Variants in AGBL4 observed in about 807,000 individuals in gnomAD.
AGBL4 encodes the protein cytosolic carboxypeptidase 6.
Under a neutral mutation model 66.4 loss-of-function variants are expected in AGBL4, and 58 were observed. The observed-to-expected ratio is 0.87, with a 90% CI of 0.71 to 1.09. The LOEUF (loss-of-function observed/expected upper bound fraction) is 1.09. Ranked by LOEUF, AGBL4 falls within the 50% of genes least tolerant of loss-of-function variation. AGBL4 has a pLI of 0.00. For missense variants in AGBL4, 579 were observed against 631.0 expected, an observed-to-expected ratio of 0.92 and a Z score of 0.88; for synonymous variants, 234 against 222.9, an observed-to-expected ratio of 1.05 and a Z score of -0.44.
intron 5 of AGBL4, among the ~76,000 whole-genome samples, chr1:48,947,148 C>A (rs1656584774): frequency 6.6e-6 from 1 of 152,248 alleles, no homozygotes; most frequent in Non-Finnish European, 1.5e-5. Flanking sequence ...TTGAGTCCAG[C>A]TCAAAAGTCA....
chr1:49,837,898 C>G (rs1319107943), intron 2 of AGBL4, among the ~76,000 whole-genome samples: 1 of 152,116 alleles, frequency 6.6e-6, no homozygotes, highest in Non-Finnish European at 1.5e-5. Flanking sequence ...ATCATGCCAA[C>G]TACTATAGCC....
At chr1:49,226,323 T>A (rs1297460927) in intron 4 of AGBL4, among the ~76,000 whole-genome samples, 1 of 152,224 alleles carries the variant, frequency 6.6e-6, no homozygotes, top group African/African-American at 2.4e-5. Flanking sequence ...TGCACAAAGA[T>A]ATTAATATTT....
chr1:49,230,548 G>A (rs1650234174), intron 4 of AGBL4, among the ~76,000 whole-genome samples: 1 of 152,060 alleles, frequency 6.6e-6, no homozygotes, highest in Admixed American at 6.5e-5. Context: ...CTCACCCTCT[G>A]CCTAGCAAAA....
intron 5 of AGBL4, among the ~76,000 whole-genome samples, chr1:48,930,813 T>C (rs1355497005): frequency 2.0e-5 from 3 of 152,208 alleles, no homozygotes; most frequent in Non-Finnish European, 4.4e-5. Context: ...CACTCATTCA[T>C]TCATTCATTC....
rs978018049 is a variant in AGBL4 at position 48,687,232 on chromosome 1, AG to A, written c.635-23992del. On this transcript the variant is annotated intron_variant, in intron 6 of 13. Transcript: ENST00000371839. ...CAGAGAGCAAGGGAAAGAGAAGAGG[AG>A]GGGGCAAAGAGAAAGGGCTGGGAGG... Among the ~76,000 whole-genome samples the A allele has an allele frequency of 2.6e-5, 4 of 152,188 alleles. No individual in the cohort carries two copies. The South Asian group carries it at 8.3e-4, about 32-fold the overall frequency.
At chr1:48,548,191 G>A (rs1328051172) in intron 11 of AGBL4, among the ~76,000 whole-genome samples, 2 of 152,044 alleles carry the variant, frequency 1.3e-5, no homozygotes, top group Non-Finnish European at 2.9e-5. Context: ...AACGTGATAA[G>A]TGCTATGGAG....
At chr1:49,469,600 T>C (rs1181759128) in intron 3 of AGBL4, among the ~76,000 whole-genome samples, 1 of 151,962 alleles carries the variant, frequency 6.6e-6, no homozygotes, top group Non-Finnish European at 1.5e-5. Context: ...AAACTCTTTC[T>C]GACATCTCAT....
chr1:49,441,483 A>T (rs1177080704), intron 3 of AGBL4, among the ~76,000 whole-genome samples: 4 of 152,202 alleles, frequency 2.6e-5, no homozygotes, highest in Non-Finnish European at 5.9e-5. Context: ...TTTAGTGTAG[A>T]GGAAAAGATC....
chr1:50,023,393 C>G (rs1307705940), intron 1 of AGBL4, among the ~76,000 whole-genome samples: 1 of 152,150 alleles, frequency 6.6e-6, no homozygotes, highest in Non-Finnish European at 1.5e-5. Flanking sequence ...GGATCTCTCC[C>G]ATGCTCCCAC....
At chr1:50,020,571 A>T (rs1662369062) in intron 1 of AGBL4, among the ~76,000 whole-genome samples, 1 of 152,174 alleles carries the variant, frequency 6.6e-6, no homozygotes, top group South Asian at 2.1e-4. Context: ...TAAGGCAGGG[A>T]TTTTCATCAT....
chr1:50,012,627 A>G (rs1488168749), intron 1 of AGBL4, among the ~76,000 whole-genome samples: 1 of 152,164 alleles, frequency 6.6e-6, no homozygotes, highest in Admixed American at 6.5e-5. Context: ...AAACCAGTTA[A>G]AACTCTTAAG....
intron 3 of AGBL4, among the ~76,000 whole-genome samples, chr1:49,576,576 G>A (rs942084874): frequency 6.6e-6 from 1 of 152,224 alleles, no homozygotes; most frequent in Non-Finnish European, 1.5e-5. Flanking sequence ...CATGCGAATT[G>A]AACTGCCTAT....
At chr1:49,388,723 C>T (rs1644787453) in intron 3 of AGBL4, among the ~76,000 whole-genome samples, 1 of 152,174 alleles carries the variant, frequency 6.6e-6, no homozygotes, top group Admixed American at 6.6e-5. Context: ...AGAGTAATGT[C>T]CCCTTAGTGT....
chr1:48,810,443 G>A (rs990126476), intron 6 of AGBL4, among the ~76,000 whole-genome samples: 1 of 152,216 alleles, frequency 6.6e-6, no homozygotes, highest in Admixed American at 6.5e-5. Context: ...TGTAGAGTAA[G>A]GAAAGAGCAC....
At chr1:49,642,029 G>C (rs973247347) in intron 3 of AGBL4, among the ~76,000 whole-genome samples, 2 of 146,698 alleles carry the variant, frequency 1.4e-5, no homozygotes, top group African/African-American at 5.1e-5. Context: ...ATGCTTTCAG[G>C]TAAATTATTA....
intron 3 of AGBL4, among the ~76,000 whole-genome samples, chr1:49,478,622 T>C (rs1263187013): frequency 1.3e-5 from 2 of 151,902 alleles, no homozygotes; most frequent in Admixed American, 6.6e-5. Context: ...AAAAAGAATA[T>C]TAATGAACAG....
intron 11 of AGBL4, among the ~76,000 whole-genome samples, chr1:48,551,098 A>G (rs1210821519): frequency 6.6e-6 from 1 of 152,148 alleles, no homozygotes; most frequent in East Asian, 1.9e-4. Flanking sequence ...CTACAACCCT[A>G]CACTGATTCA....
intron 1 of AGBL4, among the ~76,000 whole-genome samples, chr1:49,863,231 T>C (rs1646617422): frequency 6.6e-6 from 1 of 152,062 alleles, no homozygotes; most frequent in South Asian, 2.1e-4. Context: ...AAACAGGATA[T>C]CCATATGGAA....
intron 2 of AGBL4, among the ~76,000 whole-genome samples, chr1:49,802,040 T>C (rs994258616): frequency 2.0e-5 from 3 of 152,252 alleles, no homozygotes; most frequent in African/African-American, 7.2e-5. Context: ...CTGATTATTG[T>C]ACATACAAAG....
Sources: allele counts gnomAD v4.1 joint callset (sites outside exome capture counted in the v4.1 genomes callset), GRCh38; gene constraint gnomAD v4.1.1; transcripts MANE v1.5; gene names NCBI Gene and HGNC (gene_info 2026-07-23, HGNC 2026-07-21).